BMP2K: variants seen among roughly 807,000 people sequenced by gnomAD.
BMP2K encodes BMP-2-inducible protein kinase.
BMP2K carries 74 observed loss-of-function variants against 116.0 expected under a neutral mutation model. The ratio of observed to expected loss-of-function variants is 0.64; its 90% confidence interval spans 0.53 to 0.77. The LOEUF is 0.77. BMP2K is among the 30% of genes least tolerant of loss of function. The pLI is 0.00. For synonymous variants in BMP2K, 486 were observed against 502.5 expected (o/e 0.97, Z 0.44); for missense variants, 1,365 against 1,403.6 (o/e 0.97, Z 0.44).
chr4:78,845,017 T>TG lies in BMP2K; in HGVS notation c.638dup (p.Val214SerfsTer2), dbSNP rs867484577. On this transcript the variant is annotated frameshift_variant, in exon 5 of 16. Transcript: ENST00000502613. LOFTEE classifies it high-confidence loss of function. ...ATAAATTTCTTAATCCTCAAAAAGA[T>TG]GGAGTTAATGTAGTAGAAGAAGAAA... 6.3e-7 allele frequency: 1 copy of TG among 1,586,272 alleles called. No individual in the cohort carries two copies. Among genetic ancestry groups the TG allele is most frequent in the Non-Finnish European group, 8.6e-7 (1 of 1,156,558 alleles).
At chr4:78,809,067 A>G (rs1335377845) in intron 1 of BMP2K, among the ~76,000 whole-genome samples, 1 of 152,126 alleles carries the variant, frequency 6.6e-6, no homozygotes, top group Non-Finnish European at 1.5e-5. Context: ...TCCAACTACT[A>G]TTGTATAATT....
At chr4:78,877,423 TTGTTGA>T (rs1210828074) in intron 13 of BMP2K, among the ~76,000 whole-genome samples, 4 of 152,196 alleles carry the variant, frequency 2.6e-5, no homozygotes, top group African/African-American at 7.2e-5. Flanking sequence ...TTATACTTTT[TTGTTGA>T]AAACTAAGAC....
At chr4:78,818,950 C>G (rs1195174824) in intron 1 of BMP2K, among the ~76,000 whole-genome samples, 1 of 151,986 alleles carries the variant, frequency 6.6e-6, no homozygotes, top group Non-Finnish European at 1.5e-5. Flanking sequence ...GTGCATGCCA[C>G]CATGCCTGGC....
rs1306764828 is a variant in BMP2K, at chr4:78,899,432, C to T, written c.2063-11178C>T. ...GGGGCACTGGAATCTTTTTAGTAGG[C>T]ATTTAGACACAAAAGAAGACATCCA... is the stretch of plus-strand genomic sequence containing the variant. On this transcript the variant is annotated intron_variant, in intron 15 of 15. Transcript: ENST00000502613. Among the ~76,000 whole-genome samples the T allele has an allele frequency of 2.6e-5, 4 of 152,140 alleles. No individual in the cohort carries two copies. In the East Asian group the frequency reaches 7.7e-4, roughly 29 times the overall value.
intron 1 of BMP2K, among the ~76,000 whole-genome samples, chr4:78,799,791 C>G (rs959651132): frequency 6.6e-6 from 1 of 152,136 alleles, no homozygotes; most frequent in Non-Finnish European, 1.5e-5. Flanking sequence ...CCTTTCACCC[C>G]CTCAGAGTAG....
Position 78,884,176 on chromosome 4 carries a change from A to G in BMP2K, c.1952-2998A>G, listed in dbSNP as rs190668917. Among the ~76,000 whole-genome samples the G allele has an allele frequency of 2.6e-3, 394 of 152,132 alleles. 1 individual carries two copies. Among genetic ancestry groups the G allele is most frequent in the Non-Finnish European group, 4.4e-3 (302 of 67,982 alleles). ...GAGCTTATCTCTACAAAAAATAAAA[A>G]ATTAGCTGAACGTGGTGGCCTGTGC... is the stretch of plus-strand genomic sequence containing the variant. On this transcript the variant is annotated intron_variant, in intron 14 of 15. Transcript: ENST00000502613.
At chr4:78,907,824 T>C (rs1411530278) in intron 15 of BMP2K, among the ~76,000 whole-genome samples, 1 of 152,118 alleles carries the variant, frequency 6.6e-6, no homozygotes. Flanking sequence ...AACATTGGAA[T>C]GTTACTTGGA....
intron 1 of BMP2K, among the ~76,000 whole-genome samples, chr4:78,808,403 C>G (rs926320844): frequency 2.0e-5 from 3 of 151,764 alleles, no homozygotes; most frequent in Non-Finnish European, 4.4e-5. Context: ...GTAGCTGGGA[C>G]TACAGGCACC....
At chr4:78,787,009 C>T (rs1320798079) in intron 1 of BMP2K, among the ~76,000 whole-genome samples, 1 of 152,134 alleles carries the variant, frequency 6.6e-6, no homozygotes, top group Admixed American at 6.5e-5. Context: ...CTGCTTTGGC[C>T]TCCCAAAGTG....
chr4:78,826,240 C>A, intron 2 of BMP2K, 85 bp downstream of exon 2: 1 of 1,050,370 alleles, frequency 9.5e-7, no homozygotes, highest in Non-Finnish European at 1.5e-6. Flanking sequence ...TGGAGTGGCA[C>A]GCCCAGGCTG....
chr4:78,827,637 A>G (rs906628830), intron 2 of BMP2K, among the ~76,000 whole-genome samples: 2 of 152,092 alleles, frequency 1.3e-5, no homozygotes, highest in African/African-American at 2.4e-5. Context: ...GACTTGTTCT[A>G]CTTTAATGCA....
Position 78,838,784 on chromosome 4 carries a change from A to G in BMP2K, c.404-3601A>G, listed in dbSNP as rs150687250. 4.5e-3 allele frequency among the ~76,000 whole-genome samples: 683 copies of G among 152,320 alleles called. 2 individuals carry two copies. The highest frequency in any genetic ancestry group is 0.016 in the African/African-American group (645 of 41,562). ...CATATCCCCTTACGTGGTTTTAGGT[A>G]TTCAATGTTTACCATCATCTTCTGT... On this transcript the variant is annotated intron_variant, in intron 3 of 15. Transcript: ENST00000502613.
intron 1 of BMP2K, among the ~76,000 whole-genome samples, chr4:78,808,751 A>G (rs776068185): frequency 6.6e-6 from 1 of 152,118 alleles, no homozygotes; most frequent in Non-Finnish European, 1.5e-5. Context: ...TAATATCCAT[A>G]TGCTCTTGAA....
intron 1 of BMP2K, among the ~76,000 whole-genome samples, chr4:78,822,683 T>C (rs1578496961): frequency 6.6e-6 from 1 of 152,250 alleles, no homozygotes; most frequent in Middle Eastern, 3.4e-3. Context: ...TGCTTTACAG[T>C]ATTAAATTGG....
intron 10 of BMP2K, 133 bp downstream of exon 10, chr4:78,865,853 G>C: frequency 2.3e-6 from 2 of 856,378 alleles, no homozygotes; most frequent in Non-Finnish European, 3.5e-6. Context: ...ACTTTCTATT[G>C]ATGTCTAATA....
intron 1 of BMP2K, among the ~76,000 whole-genome samples, chr4:78,802,766 C>T (rs1728628525): frequency 6.6e-6 from 1 of 151,974 alleles, no homozygotes; most frequent in Non-Finnish European, 1.5e-5. Flanking sequence ...TTTGAGCTTG[C>T]TCTATTATAT....
chr4:78,894,862 G>A (rs1025151205), intron 15 of BMP2K, among the ~76,000 whole-genome samples: 8 of 152,306 alleles, frequency 5.3e-5, no homozygotes, highest in African/African-American at 1.9e-4. Flanking sequence ...AACACTTAGA[G>A]GCCATTGTGG....
At chr4:78,894,538 G>C (rs1405364237) in intron 15 of BMP2K, among the ~76,000 whole-genome samples, 2 of 152,218 alleles carry the variant, frequency 1.3e-5, no homozygotes, top group African/African-American at 4.8e-5. Context: ...TAGGATTGAA[G>C]AGAGTTAGAG....
chr4:78,895,599 GA>G (rs1275610507), intron 15 of BMP2K, among the ~76,000 whole-genome samples: 2 of 151,942 alleles, frequency 1.3e-5, no homozygotes, highest in African/African-American at 4.8e-5. Flanking sequence ...TGAGACTTGG[GA>G]AAAAATAAGA....
Sources: allele counts gnomAD v4.1 joint callset (sites outside exome capture counted in the v4.1 genomes callset), GRCh38; gene constraint gnomAD v4.1.1; transcripts MANE v1.5; gene names NCBI Gene and HGNC (gene_info 2026-07-23, HGNC 2026-07-21).